Variants in DCAKD observed in about 807,000 individuals in gnomAD.
The protein encoded by DCAKD is dephospho-CoA kinase domain-containing protein.
Under a neutral mutation model 18.7 loss-of-function variants are expected in DCAKD, and 15 were observed. The ratio of observed to expected loss-of-function variants is 0.80; its 90% confidence interval spans 0.54 to 1.24. The LOEUF (loss-of-function observed/expected upper bound fraction) is 1.24. Among genes scored for constraint, DCAKD ranks in the 50% most tolerant of loss-of-function variants. The pLI is 0.00. For synonymous variants in DCAKD, 130 were observed against 133.0 expected (o/e 0.98, Z 0.16); for missense variants, 301 against 322.0 (o/e 0.93, Z 0.50).
upstream of DCAKD, among the ~76,000 whole-genome samples, chr17:45,053,095 G>A (rs1182596740): frequency 6.9e-6 from 1 of 145,238 alleles, no homozygotes; most frequent in Non-Finnish European, 1.5e-5. Context: ...CCCGGGAGGT[G>A]GAGGTTGCAG....
intron 1 of DCAKD, among the ~76,000 whole-genome samples, chr17:45,049,864 C>A (rs1235769439): frequency 6.6e-6 from 1 of 151,138 alleles, no homozygotes; most frequent in Non-Finnish European, 1.5e-5. Flanking sequence ...GGATTGCAGG[C>A]ACCCGCCACC....
chr17:45,034,213 TTCA>T lies in DCAKD; in HGVS notation c.287_289del (p.Met96del). 6.8e-6 allele frequency: 11 copies of T among 1,613,660 alleles called. No individual in the cohort carries two copies. Among genetic ancestry groups the T allele is most frequent in the Non-Finnish European group, 9.3e-6 (11 of 1,179,820 alleles). ...CCGGAGGAAGTACTTGAACGTCTCC[TTCA>T]TCATCTCCTTGCGAATCTCGGGGTG... On this transcript the variant is annotated inframe_deletion, in exon 3 of 5. Transcript: ENST00000651974.
intron 1 of DCAKD, among the ~76,000 whole-genome samples, chr17:45,060,166 TGA>T (rs1412244800): frequency 3.3e-5 from 5 of 152,044 alleles, no homozygotes; most frequent in Non-Finnish European, 7.4e-5. Flanking sequence ...GTAGACTTGT[TGA>T]GAGGATTAAA....
intron 1 of DCAKD, among the ~76,000 whole-genome samples, chr17:45,042,303 G>A (rs1460298484): frequency 6.6e-6 from 1 of 152,144 alleles, no homozygotes; most frequent in Non-Finnish European, 1.5e-5. Flanking sequence ...TTCTGTTCAT[G>A]TGACTTTTTT....
chr17:45,033,966 G>A, intron 3 of DCAKD: 1 of 1,580,472 alleles, frequency 6.3e-7, no homozygotes, highest in African/African-American at 1.3e-5. Flanking sequence ...AGCCTCATGT[G>A]TCTCTTCTCA....
chr17:45,057,516 A>G (rs1409939460), intron 1 of DCAKD, among the ~76,000 whole-genome samples: 3 of 151,720 alleles, frequency 2.0e-5, no homozygotes, highest in Non-Finnish European at 2.9e-5. Flanking sequence ...CAGCCTGGGC[A>G]ACATGGTGAA....
rs2053697570 is a variant in DCAKD, at chr17:45,051,549, G to C, written c.-303C>G. Reference sequence around the variant, plus strand: ...CTCACCGGCCCGCGTGGCGCGCTACGTACCCAGCGCCTCCGCCGTGGCCCA... The same window carrying C: ...CTCACCGGCCCGCGTGGCGCGCTACCTACCCAGCGCCTCCGCCGTGGCCCA... On this transcript the variant is annotated 5_prime_UTR_variant, in exon 1 of 5. Coordinates refer to ENST00000651974, the MANE Select transcript of DCAKD (RefSeq NM_001288655.2). 6.6e-6 allele frequency: 1 copy of C among 151,398 alleles called. No homozygotes were observed. The highest frequency in any genetic ancestry group is 2.4e-5 in the African/African-American group (1 of 41,264). 9.4% of individuals were successfully genotyped at this position (151,398 alleles called of 1,614,324 possible). A position where few individuals can be genotyped will look rare whatever the true frequency, so the allele number is the denominator to read the frequency against.
chr17:45,024,183 A>G lies in DCAKD; in HGVS notation c.*250T>C, dbSNP rs567376650. 4.1e-4 allele frequency: 205 copies of G among 494,778 alleles called. No individual in the cohort carries two copies. Among genetic ancestry groups the G allele is most frequent in the African/African-American group, 3.7e-3 (198 of 52,896 alleles). 30.6% of individuals were successfully genotyped at this position (494,778 alleles called of 1,614,324 possible). On this transcript the variant is annotated 3_prime_UTR_variant, in exon 5 of 5. Transcript: ENST00000651974. ...GGTTGCTGTTCTGTAGGTGCTGCTC[A>G]GGGAAGGTGGGAAGGACAGCAGGCT...
chr17:45,028,984 C>T (rs1378265737), intron 4 of DCAKD, among the ~76,000 whole-genome samples: 6 of 152,138 alleles, frequency 3.9e-5, no homozygotes, highest in African/African-American at 4.8e-5. Context: ...GGATTACAGG[C>T]GTGAGCCACT....
rs535689327 is a variant in DCAKD, at chr17:45,036,071, G to A, written c.-114-1072C>T. On this transcript the variant is annotated intron_variant, in intron 1 of 4. Coordinates refer to ENST00000651974, the MANE Select transcript of DCAKD (RefSeq NM_001288655.2). ...TTGAGCTGGCGTCGTGGTTTGTGGC[G>A]TCCTCAGACCAAGCAGCGGCAGCAC... Among the ~76,000 whole-genome samples, 13 of 152,288 alleles carry A rather than the reference G, an allele frequency of 8.5e-5. No individual in the cohort carries two copies. In the South Asian group the frequency reaches 1.7e-3, roughly 19 times the overall value.
At chr17:45,029,841 C>T (rs1441225019) in intron 4 of DCAKD, among the ~76,000 whole-genome samples, 2 of 152,218 alleles carry the variant, frequency 1.3e-5, no homozygotes, top group Non-Finnish European at 2.9e-5. Context: ...GGCTGAAGTG[C>T]CTGCAATGGT....
In DCAKD at chr17:45,032,936, G is replaced by T. The variant is rs949014737; in HGVS notation, c.316+1251C>A. ...GGCATGCAAATCTCCAGCAGCCCTA[G>T]GCCAGCCTCTTGCCAGATCCCAAGC... On this transcript the variant is annotated intron_variant, in intron 3 of 4. Coordinates refer to ENST00000651974, the MANE Select transcript of DCAKD (RefSeq NM_001288655.2). 2.0e-5 allele frequency among the ~76,000 whole-genome samples: 3 copies of T among 152,192 alleles called. No individual in the cohort carries two copies. The East Asian group carries it at 5.8e-4, about 29-fold the overall frequency.
At chr17:45,035,115 G>T in intron 1 of DCAKD, 116 bp from the exon 2 acceptor site, 1 of 510,768 alleles carries the variant, frequency 2.0e-6, no homozygotes, top group East Asian at 3.5e-5. Flanking sequence ...CTGAGCTTGG[G>T]GTGCTCTGGG....
upstream of DCAKD, among the ~76,000 whole-genome samples, chr17:45,055,825 C>A (rs79580688): frequency 6.6e-6 from 1 of 152,080 alleles, no homozygotes; most frequent in African/African-American, 2.4e-5. Flanking sequence ...AAATGAATCA[C>A]AATCTATCTC....
At chr17:45,059,972 C>A (rs904864907) in intron 1 of DCAKD, among the ~76,000 whole-genome samples, 3 of 152,038 alleles carry the variant, frequency 2.0e-5, no homozygotes, top group Non-Finnish European at 4.4e-5. Flanking sequence ...GGTGTGGTGG[C>A]GTGCGCCTTT....
chr17:45,042,808 G>A (rs1031943240), intron 1 of DCAKD, among the ~76,000 whole-genome samples: 2 of 152,188 alleles, frequency 1.3e-5, no homozygotes, highest in Admixed American at 6.5e-5. Flanking sequence ...CCTCCAGGCT[G>A]CCAGTTACCT....
At chr17:45,049,713 C>CTTTTTTTTTTTTTTT (rs57106886) in intron 1 of DCAKD, among the ~76,000 whole-genome samples, 3 of 111,874 alleles carry the variant, frequency 2.7e-5, no homozygotes, top group Admixed American at 1.2e-4. Context: ...TTTTCTTTTC[C>CTTTTTTTTTTTTTTT]TTTTTTTTTT....
At chr17:45,057,452 C>T (rs2053793766) in intron 1 of DCAKD, among the ~76,000 whole-genome samples, 1 of 152,008 alleles carries the variant, frequency 6.6e-6, no homozygotes, top group Non-Finnish European at 1.5e-5. Flanking sequence ...CCTGTAATCC[C>T]AGCACTTTGG....
At chr17:45,037,138 A>G (rs2053318865) in intron 1 of DCAKD, among the ~76,000 whole-genome samples, 1 of 152,124 alleles carries the variant, frequency 6.6e-6, no homozygotes, top group Non-Finnish European at 1.5e-5. Flanking sequence ...CATCATCCAA[A>G]TGGAGAGACC....
Sources: allele counts gnomAD v4.1 joint callset (sites outside exome capture counted in the v4.1 genomes callset), GRCh38; gene constraint gnomAD v4.1.1; transcripts MANE v1.5; gene names NCBI Gene and HGNC (gene_info 2026-07-23, HGNC 2026-07-21).